The following CDADC1 variants were observed in gnomAD, a reference collection of about 807,000 sequenced individuals.
CDADC1 encodes the protein dCTP deaminase.
A neutral mutation model predicts 54.9 loss-of-function variants in CDADC1; 39 were observed. The observed-to-expected ratio is 0.71, with a 90% CI of 0.55 to 0.93. The LOEUF is 0.93. CDADC1 is among the 40% of genes least tolerant of loss of function. The probability of loss-of-function intolerance (pLI) is 0.00; values close to 1 mark genes in which losing one functional copy is unlikely to be tolerated. For missense variants in CDADC1, 518 were observed against 618.8 expected, an observed-to-expected ratio of 0.84 and a Z score of 1.73; for synonymous variants, 186 against 204.0, an observed-to-expected ratio of 0.91 and a Z score of 0.75.
At chr13:49,261,385 G>T (rs909251085) in intron 4 of CDADC1, among the ~76,000 whole-genome samples, 3 of 152,214 alleles carry the variant, frequency 2.0e-5, no homozygotes, top group Non-Finnish European at 4.4e-5. Context: ...TATGAAAGTG[G>T]TGGTGGCATT....
intron 5 of CDADC1, among the ~76,000 whole-genome samples, chr13:49,271,858 C>T (rs1296267220): frequency 6.6e-6 from 1 of 152,092 alleles, no homozygotes; most frequent in Non-Finnish European, 1.5e-5. Flanking sequence ...TCATAGGGAG[C>T]AATTTCTGTA....
chr13:49,259,985 T>C (rs1184859405), intron 4 of CDADC1, among the ~76,000 whole-genome samples: 1 of 152,026 alleles, frequency 6.6e-6, no homozygotes, highest in Non-Finnish European at 1.5e-5. Flanking sequence ...TCCCAGCTAC[T>C]CAGAAGGCTG....
intron 1 of CDADC1, 85 bp downstream of exon 1, chr13:49,248,204 C>A: frequency 8.2e-7 from 1 of 1,226,606 alleles, no homozygotes; most frequent in Non-Finnish European, 1.2e-6. Flanking sequence ...GATTCCTTGT[C>A]TGAGCCTCTT....
intron 3 of CDADC1, among the ~76,000 whole-genome samples, chr13:49,257,173 T>G (rs1810354925): frequency 6.6e-6 from 1 of 152,152 alleles, no homozygotes; most frequent in African/African-American, 2.4e-5. Context: ...TGGCCTTACC[T>G]AGATGCAAAA....
At chr13:49,270,531 G>A (rs1422981639) in intron 5 of CDADC1, among the ~76,000 whole-genome samples, 1 of 152,126 alleles carries the variant, frequency 6.6e-6, no homozygotes, top group East Asian at 1.9e-4. Context: ...ATTTTAAAAA[G>A]GTAATATGGT....
At chr13:49,269,232 G>T (rs1019173027) in intron 5 of CDADC1, among the ~76,000 whole-genome samples, 10 of 151,066 alleles carry the variant, frequency 6.6e-5, no homozygotes, top group Non-Finnish European at 1.0e-4. Flanking sequence ...AAATAGAATC[G>T]CCATTGAAAC....
At position 49,267,860 on chromosome 13, in the gene CDADC1, A is replaced by T. The variant is rs770287109; in HGVS notation, c.801A>T (p.Pro267=). Residue 267 remains proline, a synonymous_variant, in exon 5 of 10, where the codon CCA becomes CCT. Coordinates refer to ENST00000251108, the MANE Select transcript of CDADC1 (RefSeq NM_030911.4). ...GTTTGGAGAACCTGTGTGAAAATCC[A>T]TACTTTAGCAATCTAAGGCAAAACA... ...TIGLENLCEN[P]YFSNLRQNMK... 3.1e-6 allele frequency: 5 copies of T among 1,614,150 alleles called. No homozygotes were observed. Among genetic ancestry groups the T allele is most frequent in the East Asian group, 2.2e-5 (1 of 44,882 alleles).
chr13:49,277,199 C>G (rs1953167939), intron 6 of CDADC1, among the ~76,000 whole-genome samples: 1 of 147,396 alleles, frequency 6.8e-6, no homozygotes, highest in Non-Finnish European at 1.5e-5. Context: ...TGGCTGGGTG[C>G]AGTGGCTCAT....
chr13:49,269,870 TCTACA>T (rs1194796259), intron 5 of CDADC1, among the ~76,000 whole-genome samples: 1 of 152,248 alleles, frequency 6.6e-6, no homozygotes, highest in Non-Finnish European at 1.5e-5. Context: ...TATTAGATAC[TCTACA>T]CTACTGTATA....
rs1952333780 is a variant in CDADC1, at chr13:49,247,980, C to T, written c.-58C>T. 6.7e-7 allele frequency: 1 copy of T among 1,481,624 alleles called. No individual in the cohort carries two copies. Among genetic ancestry groups the T allele is most frequent in the South Asian group, 1.2e-5 (1 of 82,490 alleles). The allele number at this position is 1,481,624 out of a possible 1,614,324, so 91.8% of individuals were successfully genotyped here. A position where few individuals can be genotyped will look rare whatever the true frequency, so the allele number is the denominator to read the frequency against. ...GAGGCGAGAGGCGGGGGCGCTAGGG[C>T]CGAGATCATGTCTGACTGGGAGAGG... is the stretch of plus-strand genomic sequence containing the variant. On this transcript the variant is annotated 5_prime_UTR_variant, in exon 1 of 10. Transcript: ENST00000251108.
At chr13:49,262,101 G>A (rs1952699674) in intron 4 of CDADC1, among the ~76,000 whole-genome samples, 1 of 152,114 alleles carries the variant, frequency 6.6e-6, no homozygotes, top group South Asian at 2.1e-4. Flanking sequence ...TCCAAGTGTG[G>A]TCTGTGGACT....
At chr13:49,263,212 A>G (rs1952726643) in intron 4 of CDADC1, among the ~76,000 whole-genome samples, 1 of 152,250 alleles carries the variant, frequency 6.6e-6, no homozygotes, top group South Asian at 2.1e-4. Flanking sequence ...TCACTTTCAG[A>G]TAAACAACTG....
At chr13:49,263,314 T>C (rs1308587677) in intron 4 of CDADC1, among the ~76,000 whole-genome samples, 2 of 152,238 alleles carry the variant, frequency 1.3e-5, no homozygotes, top group Non-Finnish European at 2.9e-5. Flanking sequence ...CCTGACAGCA[T>C]CTCACCACTT....
chr13:49,257,286 G>A (rs1252759153), intron 3 of CDADC1, among the ~76,000 whole-genome samples: 1 of 152,174 alleles, frequency 6.6e-6, no homozygotes, highest in Non-Finnish European at 1.5e-5. Context: ...GTTGATGAGT[G>A]TGCTTCTCAC....
chr13:49,250,116 G>T (rs1379316208), intron 2 of CDADC1, among the ~76,000 whole-genome samples: 1 of 152,102 alleles, frequency 6.6e-6, no homozygotes, highest in Non-Finnish European at 1.5e-5. Flanking sequence ...TAAGCATGAG[G>T]TTTTTTATTT....
chr13:49,248,967 T>C lies in CDADC1; in HGVS notation c.177+2T>C, dbSNP rs1952359480. 1 of 1,581,090 alleles carries C rather than the reference T, an allele frequency of 6.3e-7. No homozygotes were observed. Among genetic ancestry groups the C allele is most frequent in the Non-Finnish European group, 8.7e-7 (1 of 1,150,042 alleles). On this transcript the variant is annotated splice_donor_variant, in intron 2 of 9. Coordinates refer to ENST00000251108, the MANE Select transcript of CDADC1 (RefSeq NM_030911.4). LOFTEE classifies it high-confidence loss of function. The stretch of plus-strand genomic sequence containing the variant: ...GAAGCCCAGCGGCAAAAATCTCAGG[T>C]ATAATTTGTTTCATAGTTTTTCCCC...
chr13:49,290,779 T>G (rs1953682545), intron 9 of CDADC1, among the ~76,000 whole-genome samples: 1 of 151,886 alleles, frequency 6.6e-6, no homozygotes, highest in Non-Finnish European at 1.5e-5. Context: ...AGGCCAAGAG[T>G]TCAAGACCAG....
chr13:49,254,694 C>A (rs2138195874), intron 2 of CDADC1, among the ~76,000 whole-genome samples: 1 of 152,336 alleles, frequency 6.6e-6, no homozygotes, highest in African/African-American at 2.4e-5. Context: ...AGCCACTGCA[C>A]CTGGCTATCT....
intron 4 of CDADC1, among the ~76,000 whole-genome samples, chr13:49,260,079 G>A (rs1403416829): frequency 2.0e-5 from 3 of 152,092 alleles, no homozygotes; most frequent in Non-Finnish European, 4.4e-5. Context: ...GAGTGACAGA[G>A]CAAGACCCTG....
Sources: allele counts gnomAD v4.1 joint callset (sites outside exome capture counted in the v4.1 genomes callset), GRCh38; gene constraint gnomAD v4.1.1; transcripts MANE v1.5; gene names NCBI Gene and HGNC (gene_info 2026-07-23, HGNC 2026-07-21).